The following VPS16 variants were observed in gnomAD, a reference collection of about 807,000 sequenced individuals.
The protein encoded by VPS16 is vacuolar protein sorting-associated protein 16 homolog.
In VPS16, 82 loss-of-function variants were observed where a neutral mutation model predicts 116.0. The ratio of observed to expected loss-of-function variants is 0.71; its 90% CI spans 0.59 to 0.85. VPS16 has a LOEUF of 0.85. VPS16 is among the 40% of genes least tolerant of loss of function. VPS16 has a pLI of 0.00. For missense variants in VPS16, 928 were observed against 1,090.6 expected, an observed-to-expected ratio of 0.85 and a Z score of 2.10; for synonymous variants, 406 against 420.7, an observed-to-expected ratio of 0.96 and a Z score of 0.43.
intron 1 of VPS16, among the ~76,000 whole-genome samples, chr20:2,853,649 A>C (rs1015417981): frequency 6.6e-6 from 1 of 152,018 alleles, no homozygotes; most frequent in African/African-American, 2.4e-5. Context: ...ACCTCCTCTC[A>C]TGAATCATAA....
intron 1 of VPS16, among the ~76,000 whole-genome samples, chr20:2,857,272 C>A (rs930647705): frequency 6.6e-6 from 1 of 152,232 alleles, no homozygotes; most frequent in African/African-American, 2.4e-5. Flanking sequence ...CCACTGCGCC[C>A]AGCCCCCCAT....
chr20:2,853,133 G>A (rs6051437), intron 1 of VPS16, among the ~76,000 whole-genome samples: 78,398 of 152,068 alleles, frequency 0.52, 23,173 homozygotes, highest in African/African-American at 0.8. Flanking sequence ...GCTCACACTT[G>A]TAGTCCCAGC....
intron 1 of VPS16, among the ~76,000 whole-genome samples, chr20:2,844,165 A>C (rs2089036121): frequency 6.6e-6 from 1 of 152,196 alleles, no homozygotes; most frequent in East Asian, 1.9e-4. Context: ...AAAATATAAG[A>C]GCATGTTTCA....
intron 1 of VPS16, among the ~76,000 whole-genome samples, chr20:2,853,331 G>A (rs6132980): frequency 6.6e-6 from 1 of 152,048 alleles, no homozygotes; most frequent in South Asian, 2.1e-4. Context: ...AGACGTTGCA[G>A]TGAGCCGAGA....
At chr20:2,857,199 A>T (rs563866404) in intron 1 of VPS16, among the ~76,000 whole-genome samples, 1 of 151,572 alleles carries the variant, frequency 6.6e-6, no homozygotes, top group Non-Finnish European at 1.5e-5. Context: ...CTGGTCTCGA[A>T]CTCCTGACCT....
At chr20:2,843,600 G>C (rs1050411673) in intron 1 of VPS16, among the ~76,000 whole-genome samples, 1 of 152,184 alleles carries the variant, frequency 6.6e-6, no homozygotes, top group African/African-American at 2.4e-5. Context: ...ACACCAGCTA[G>C]TTGATACAAC....
rs1401797592 is a variant in VPS16 at position 2,840,773 on chromosome 20, C to T, written c.-2C>T. On this transcript the variant is annotated 5_prime_UTR_variant, in exon 1 of 24. Transcript: ENST00000380445. ...GCTTCCCAGCTGCCGTCTGCACCAG[C>T]CATGGACTGCTACACGGCGAACTGG... 1.3e-6 allele frequency: 2 copies of T among 1,548,552 alleles called. No individual in the cohort carries two copies. The highest frequency in any genetic ancestry group is 1.2e-5 in the South Asian group (1 of 83,986).
At chr20:2,853,925 A>G (rs1157136867) in intron 1 of VPS16, among the ~76,000 whole-genome samples, 16 of 151,908 alleles carry the variant, frequency 1.1e-4, no homozygotes, top group Admixed American at 1.1e-3. Context: ...TGCCTGCCTC[A>G]GCCTCCCAAA....
At chr20:2,861,573 C>G in intron 8 of VPS16, 42 bp from the exon 9 acceptor site, 1 of 1,566,616 alleles carries the variant, frequency 6.4e-7, no homozygotes, top group Non-Finnish European at 8.7e-7. Context: ...GGAGACATGG[C>G]CATGGGACAG....
At position 2,865,095 on chromosome 20, in the gene VPS16, G is replaced by A. The variant is rs1189238110; in HGVS notation, c.2004+40G>A. 1 of 1,613,994 alleles carries A rather than the reference G, an allele frequency of 6.2e-7. No individual in the cohort carries two copies. The highest frequency in any genetic ancestry group is 2.2e-5 in the East Asian group (1 of 44,898). ...TTTCCAAGAGCCTCCTCGTCTCCTG[G>A]TCTTCCCTCCTGGTCCCTCATCCCC... On this transcript the variant is annotated intron_variant, in intron 20 of 23. Transcript: ENST00000380445. This position sits in a 1 kb window ranked among gnomAD's most constrained non-coding sequence, Gnocchi z 5.2.
chr20:2,864,145 TC>T lies in VPS16; in HGVS notation c.1612-32del. The T allele has an allele frequency of 1.2e-6, 2 of 1,614,002 alleles. No individual in the cohort carries two copies. Among genetic ancestry groups the T allele is most frequent in the Non-Finnish European group, 8.5e-7 (1 of 1,179,870 alleles). The stretch of plus-strand genomic sequence containing the variant: ...GGTTGTTCAGGGCCCCCATGCCAGC[TC>T]CTTCTCTCTGTGCCTTCCTTCTCAC... On this transcript the variant is annotated intron_variant, in intron 16 of 23. Coordinates refer to ENST00000380445, the MANE Select transcript of VPS16 (RefSeq NM_022575.4). The surrounding 1 kb of genome is among the most constrained non-coding windows in gnomAD (Gnocchi z 5.2).
At chr20:2,862,759 G>GGC in intron 12 of VPS16, 48 bp from the exon 13 acceptor site, 5 of 777,182 alleles carry the variant, frequency 6.4e-6, no homozygotes, top group African/African-American at 1.8e-5. Flanking sequence ...GAGGGGGTGG[G>GGC]ATGGGCAGCA....
At position 2,865,031 on chromosome 20, in the gene VPS16, G is replaced by A. The variant is rs767096060; in HGVS notation, c.1980G>A (p.Lys660=). 19 of 1,614,156 alleles carry A rather than the reference G, an allele frequency of 1.2e-5. No homozygotes were observed. The South Asian group carries it at 2.1e-4, about 18-fold the overall frequency. Residue 660 remains lysine (K), a synonymous_variant, in exon 20 of 24, where the codon AAG becomes AAA. Transcript: ENST00000380445. The surrounding 1 kb of genome is among the most constrained non-coding windows in gnomAD (Gnocchi z 5.2). The part of the protein sequence containing the change: ...ALQTAADAFY[K]AKNEFAAKAT... ...AGACAGCCGCCGATGCCTTCTACAA[G>A]GCCAAGAATGAGTTTGCAGCCAAGG...
chr20:2,842,662 A>ATAGATTATATATATATAGATACATC (rs1826551000), intron 1 of VPS16, among the ~76,000 whole-genome samples: 1 of 93,806 alleles, frequency 1.1e-5, no homozygotes, highest in Non-Finnish European at 2.0e-5. Context: ...AGATAGATAT[A>ATAGATTATATATATATAGATACATC]TAGATGTATC....
At chr20:2,841,082 T>A in intron 1 of VPS16, 1 of 538,062 alleles carries the variant, frequency 1.9e-6, no homozygotes, top group South Asian at 2.2e-5. Flanking sequence ...GGAAAGATGC[T>A]CAGATCTCGC....
intron 1 of VPS16, among the ~76,000 whole-genome samples, chr20:2,852,283 T>G (rs1462126185): frequency 6.6e-6 from 1 of 152,128 alleles, no homozygotes; most frequent in Non-Finnish European, 1.5e-5. Context: ...TAGTGCAGTG[T>G]CCTTCCAGCG....
chr20:2,844,878 A>C (rs902458636), intron 1 of VPS16, among the ~76,000 whole-genome samples: 2 of 152,162 alleles, frequency 1.3e-5, no homozygotes, highest in Non-Finnish European at 2.9e-5. Context: ...CAGGACATGG[A>C]TGAAGTTGAT....
chr20:2,850,812 AAAC>A (rs1469408224), intron 1 of VPS16, among the ~76,000 whole-genome samples: 22 of 151,216 alleles, frequency 1.5e-4, no homozygotes, highest in African/African-American at 4.6e-4. Context: ...TACAAAAAAA[AAAC>A]AAAAAAAACA....
In VPS16 at chr20:2,860,007, G is replaced by A. The variant is rs1381751765; in HGVS notation, c.143-47G>A. The stretch of plus-strand genomic sequence containing the variant: ...CAGGATGTGAGGCCTGCTTCACATG[G>A]GGTGGGCCTAGGGAGCTAGGACAGA... On this transcript the variant is annotated intron_variant, in intron 2 of 23. Transcript: ENST00000380445. This position sits in a 1 kb window ranked among gnomAD's most constrained non-coding sequence, Gnocchi z 6.1. 2 of 1,606,534 alleles carry A rather than the reference G, an allele frequency of 1.2e-6. No individual in the cohort carries two copies. Among genetic ancestry groups the A allele is most frequent in the East Asian group, 4.5e-5 (2 of 44,804 alleles).
Sources: allele counts gnomAD v4.1 joint callset (sites outside exome capture counted in the v4.1 genomes callset), GRCh38; gene constraint gnomAD v4.1.1; non-coding constraint Gnocchi (gnomAD v3.1); transcripts MANE v1.5; gene names NCBI Gene and HGNC (gene_info 2026-07-23, HGNC 2026-07-21).